Variants in NWD2 observed in about 807,000 individuals in gnomAD.
The protein encoded by NWD2 is NACHT and WD repeat domain-containing protein 2.
NWD2 carries 37 observed loss-of-function variants against 132.7 expected under a neutral mutation model. The observed-to-expected ratio is 0.28, with a 90% CI of 0.21 to 0.37. The LOEUF is 0.37. Ranked by LOEUF, NWD2 falls within the 10% of genes least tolerant of loss-of-function variation. The probability of loss-of-function intolerance (pLI) is 1.00; values close to 1 mark genes in which losing one functional copy is unlikely to be tolerated. For synonymous variants in NWD2, 705 were observed against 803.0 expected, an observed-to-expected ratio of 0.88 and a Z score of 2.06; for missense variants, 1,592 against 2,122.4, an observed-to-expected ratio of 0.75 and a Z score of 4.91.
intron 2 of NWD2, among the ~76,000 whole-genome samples, chr4:37,353,888 C>A (rs192148803): frequency 5.1e-4 from 78 of 152,220 alleles, no homozygotes; most frequent in African/African-American, 1.8e-3. Flanking sequence ...TGTTCCCTTG[C>A]TGGCAAGAAG....
At chr4:37,251,145 G>C (rs1656195) in intron 1 of NWD2, among the ~76,000 whole-genome samples, 56,808 of 151,980 alleles carry the variant, frequency 0.37, 11,169 homozygotes, top group East Asian at 0.54. Context: ...TGAGCATGGT[G>C]GTGGGCGCCT....
At chr4:37,431,770 T>A (rs542390595) in intron 4 of NWD2, among the ~76,000 whole-genome samples, 2 of 152,278 alleles carry the variant, frequency 1.3e-5, no homozygotes, top group Admixed American at 1.3e-4. Context: ...AATCCAAAGC[T>A]AAGAAACTAT....
In NWD2 at chr4:37,310,961, A is replaced by G. The variant is rs570986260; in HGVS notation, c.152-14975A>G. Among the ~76,000 whole-genome samples, 11 of 151,524 alleles carry G rather than the reference A, an allele frequency of 7.3e-5. No homozygotes were observed. The East Asian group carries it at 2.1e-3, about 30-fold the overall frequency. ...ATCCATGTCCCTACAAAGGACATGA[A>G]CTCATCATTTTTTATGGCTGCATAG... On this transcript the variant is annotated intron_variant, in intron 1 of 6. Coordinates refer to ENST00000309447, the MANE Select transcript of NWD2 (RefSeq NM_001144990.2).
intron 3 of NWD2, among the ~76,000 whole-genome samples, chr4:37,410,454 T>C (rs1320644442): frequency 6.6e-6 from 1 of 152,126 alleles, no homozygotes; most frequent in African/African-American, 2.4e-5. Flanking sequence ...GAGCTAACTA[T>C]CCTAAATATA....
chr4:37,423,451 C>T (rs1049073049), intron 3 of NWD2, among the ~76,000 whole-genome samples: 2 of 152,136 alleles, frequency 1.3e-5, no homozygotes, highest in African/African-American at 4.8e-5. Context: ...CTGCCATCTG[C>T]GGGCTGGAGG....
At position 37,346,324 on chromosome 4, in the gene NWD2, T is replaced by C. The variant is rs546256993; in HGVS notation, c.241-10042T>C. Among the ~76,000 whole-genome samples the C allele has an allele frequency of 1.3e-4, 20 of 152,344 alleles. No homozygotes were observed. The South Asian group carries it at 3.5e-3, about 27-fold the overall frequency. On this transcript the variant is annotated intron_variant, in intron 2 of 6. Transcript: ENST00000309447. ...CCTTATTGAAAATCAGTTGACCTTA[T>C]GTGTGAAGATTTATTTCTGGATTCT...
intron 1 of NWD2, among the ~76,000 whole-genome samples, chr4:37,308,167 G>C (rs1015785285): frequency 6.6e-6 from 1 of 152,034 alleles, no homozygotes; most frequent in African/African-American, 2.4e-5. Context: ...AATTTTCCTT[G>C]CTTTTTCATG....
intron 3 of NWD2, among the ~76,000 whole-genome samples, chr4:37,388,398 G>T (rs1040768528): frequency 6.6e-6 from 1 of 151,948 alleles, no homozygotes; most frequent in African/African-American, 2.4e-5. Context: ...TGGCCAGGCT[G>T]GTCTCAAACT....
At position 37,443,358 on chromosome 4, in the gene NWD2, C is replaced by T. The variant is rs980935501; in HGVS notation, c.1370C>T (p.Thr457Ile). ...PVVIVRFLGT[T>I]DMSSDLRTLL... The stretch of plus-strand genomic sequence containing the variant: ...GTCATCGTGAGATTTCTAGGAACGA[C>T]AGACATGAGCTCTGACCTTAGGACT... The change falls in exon 7 of 7, where the codon ACA (threonine) becomes ATA (isoleucine). Residue 457 changes from threonine (T) to isoleucine (I), a missense_variant. Around this residue, in one of 7 missense-constraint regions of NWD2, gnomAD observed 1,071 missense variants for 1,398.0 expected, o/e 0.77. Transcript: ENST00000309447. The surrounding 1 kb of genome is among the most constrained non-coding windows in gnomAD (Gnocchi z 4.1). The T allele has an allele frequency of 6.4e-7, 1 of 1,551,830 alleles. No individual in the cohort carries two copies. The highest frequency in any genetic ancestry group is 8.7e-7 in the Non-Finnish European group (1 of 1,147,028).
chr4:37,341,578 T>A (rs1476259378), intron 2 of NWD2, among the ~76,000 whole-genome samples: 1 of 152,070 alleles, frequency 6.6e-6, no homozygotes, highest in African/African-American at 2.4e-5. Context: ...ACAGAGGAGC[T>A]CATAAATCAG....
chr4:37,445,152 G>A lies in NWD2; in HGVS notation c.3164G>A (p.Gly1055Glu). 6.4e-7 allele frequency: 1 copy of A among 1,552,062 alleles called. No individual in the cohort carries two copies. Among genetic ancestry groups the A allele is most frequent in the Non-Finnish European group, 8.7e-7 (1 of 1,147,076 alleles). The change falls in exon 7 of 7, where the codon GGA (glycine) becomes GAA (glutamate). Residue 1055 changes from glycine to glutamate, a missense_variant. Gly to Glu is a moderately conservative substitution (Grantham distance 98). This residue lies in a region of NWD2 where 1,071 missense variants were observed against 1,398.0 expected (regional missense o/e 0.77). Transcript: ENST00000309447. This position sits in a 1 kb window ranked among gnomAD's most constrained non-coding sequence, Gnocchi z 4.7. ...SEVEIKGTKH[G>E]SSATYINGFT... ...GTAGAAATCAAGGGGACCAAGCATG[G>A]AAGCAGCGCCACCTACATCAATGGA...
intron 6 of NWD2, among the ~76,000 whole-genome samples, chr4:37,442,552 C>G (rs1712514502): frequency 6.6e-6 from 1 of 152,138 alleles, no homozygotes; most frequent in Non-Finnish European, 1.5e-5. Context: ...ATCTCATCTA[C>G]CCTTCAGAGA....
rs1236677984 is a variant in NWD2, at chr4:37,445,282, G to C, written c.3294G>C (p.Trp1098Cys). 3.2e-6 allele frequency: 5 copies of C among 1,551,846 alleles called. No homozygotes were observed. Reference protein sequence around the residue: ...YGWPLYQFHCWYEVTCVQCSL... With the variant: ...YGWPLYQFHCCYEVTCVQCSL... ...GGCCGCTTTACCAGTTCCACTGCTG[G>C]TATGAAGTGACGTGCGTCCAGTGCT... The change falls in exon 7 of 7, where the codon TGG (tryptophan) becomes TGC (cysteine). Residue 1098 changes from tryptophan (W) to cysteine (C), a missense_variant. Coordinates refer to ENST00000309447, the MANE Select transcript of NWD2 (RefSeq NM_001144990.2). This position sits in a 1 kb window ranked among gnomAD's most constrained non-coding sequence, Gnocchi z 4.7.
chr4:37,410,624 C>A (rs1057225877), intron 3 of NWD2, among the ~76,000 whole-genome samples: 1 of 152,164 alleles, frequency 6.6e-6, no homozygotes, highest in Non-Finnish European at 1.5e-5. Context: ...AGGACTTGAA[C>A]TCAGCTCTGG....
At chr4:37,380,853 T>G (rs995117638) in intron 3 of NWD2, among the ~76,000 whole-genome samples, 1 of 152,178 alleles carries the variant, frequency 6.6e-6, no homozygotes, top group African/African-American at 2.4e-5. Flanking sequence ...ACAAACTATT[T>G]AAGATAAACG....
At chr4:37,410,473 C>T (rs1721132820) in intron 3 of NWD2, among the ~76,000 whole-genome samples, 1 of 152,138 alleles carries the variant, frequency 6.6e-6, no homozygotes, top group African/African-American at 2.4e-5. Context: ...TATATGCACC[C>T]AACACAGGAG....
chr4:37,439,017 C>T lies in NWD2; in HGVS notation c.923C>T (p.Thr308Ile). 2 of 1,551,756 alleles carry T rather than the reference C, an allele frequency of 1.3e-6. No homozygotes were observed. Among genetic ancestry groups the T allele is most frequent in the Non-Finnish European group, 8.7e-7 (1 of 1,146,976 alleles). The stretch of plus-strand genomic sequence containing the variant: ...AAACTCAGGGATGAATTTATTCCTA[C>T]TATTGTTGCATCATCTAATCTGAGA... ...LIKLRDEFIP[T>I]IVASSNLRVY... The change falls in exon 6 of 7, where the codon ACT becomes ATT. Residue 308 changes from threonine (T) to isoleucine (I), a missense_variant. Coordinates refer to ENST00000309447, the MANE Select transcript of NWD2 (RefSeq NM_001144990.2). The surrounding 1 kb of genome is among the most constrained non-coding windows in gnomAD (Gnocchi z 4.5).
At chr4:37,347,817 A>G (rs1285696992) in intron 2 of NWD2, among the ~76,000 whole-genome samples, 1 of 152,232 alleles carries the variant, frequency 6.6e-6, no homozygotes, top group Non-Finnish European at 1.5e-5. Context: ...TTTGCTCTAA[A>G]TAAGACCTTC....
At chr4:37,310,846 A>C (rs1308473988) in intron 1 of NWD2, among the ~76,000 whole-genome samples, 1 of 129,652 alleles carries the variant, frequency 7.7e-6, no homozygotes, top group Non-Finnish European at 1.5e-5. Context: ...ATGTGTTCTC[A>C]TTGTTCAATT....
Sources: gnomAD v4.1 joint callset for allele counts (sites outside exome capture counted in the v4.1 genomes callset) on GRCh38, gnomAD v4.1.1 for gene constraint, gnomAD v4.1.1 regional missense constraint, Gnocchi (gnomAD v3.1) non-coding constraint, MANE v1.5 for transcripts, NCBI Gene and HGNC (gene_info 2026-07-23, HGNC 2026-07-21) for gene names.